Variants in RASGRF1 observed in about 807,000 individuals in gnomAD.
RASGRF1 encodes Ras protein specific guanine nucleotide releasing factor 1, also known as ras-specific guanine nucleotide-releasing factor 1.
RASGRF1 carries 40 observed loss-of-function variants against 138.7 expected under a neutral mutation model. That is an observed-to-expected ratio of 0.29 (90% CI 0.22 to 0.38). The LOEUF is 0.38. Ranked by LOEUF, RASGRF1 falls within the 10% of genes least tolerant of loss-of-function variation. The pLI, the probability that RASGRF1 is intolerant of heterozygous loss-of-function variation, is 1.00. For synonymous variants in RASGRF1, 614 were observed against 663.2 expected (o/e 0.93, Z 1.14); for missense variants, 1,108 against 1,650.4 (o/e 0.67, Z 5.69).
intron 12 of RASGRF1, among the ~76,000 whole-genome samples, chr15:79,016,754 C>T (rs28626563): frequency 0.13 from 19,244 of 152,208 alleles, 1,479 homozygotes; most frequent in South Asian, 0.21. Flanking sequence ...GCAGGTGGGC[C>T]AGAAGGAAGG....
In RASGRF1 at chr15:79,058,315, C is replaced by G; in HGVS notation, c.531+19G>C. On this transcript the variant is annotated intron_variant, in intron 3 of 26. Transcript: ENST00000558480. ...ATGTTGTGCCTAGGGCCTGGGCCCA[C>G]CCCCCAGCCCGCAGTCACCTCTGCC... The G allele has an allele frequency of 6.2e-7, 1 of 1,606,398 alleles. No homozygotes were observed.
In RASGRF1 at chr15:78,991,797, G is replaced by A. The variant is rs781276356; in HGVS notation, c.3028-3C>T. ...GGCTCAGCCTTCACGCCTTCAGCCTGGTTTTGAGTTGGGGGAGCAACATTT... is the reference window on the plus strand; with the variant it reads ...GGCTCAGCCTTCACGCCTTCAGCCTAGTTTTGAGTTGGGGGAGCAACATTT... On this transcript the variant is annotated splice_region_variant and splice_polypyrimidine_tract_variant and intron_variant, in intron 20 of 26. Transcript: ENST00000558480. 10 of 1,610,148 alleles carry A rather than the reference G, an allele frequency of 6.2e-6. No homozygotes were observed. The East Asian group carries it at 2.0e-4, about 32-fold the overall frequency.
chr15:79,020,635 C>T (rs2140980657), intron 10 of RASGRF1, among the ~76,000 whole-genome samples: 1 of 152,314 alleles, frequency 6.6e-6, no homozygotes, highest in South Asian at 2.1e-4. Flanking sequence ...GCCTCAAGGG[C>T]CCGATCCCAG....
rs2055806453 is a variant in RASGRF1, at chr15:78,973,245, G to A, written c.3612+58C>T. ...GGGGGCAGAGTGTGGGTGGGCCCCA[G>A]GTTGAGTCATCTGGGCTTCAACGCC... On this transcript the variant is annotated intron_variant, in intron 25 of 26. Transcript: ENST00000558480. The surrounding 1 kb of genome is among the most constrained non-coding windows in gnomAD (Gnocchi z 4.9). 2 of 1,402,772 alleles carry A rather than the reference G, an allele frequency of 1.4e-6. No homozygotes were observed. The highest frequency in any genetic ancestry group is 2.0e-6 in the Non-Finnish European group (2 of 1,010,978). 86.9% of individuals were successfully genotyped at this position (1,402,772 alleles called of 1,614,324 possible).
chr15:79,089,954 C>A (rs2058031497), intron 1 of RASGRF1, among the ~76,000 whole-genome samples: 1 of 152,188 alleles, frequency 6.6e-6, no homozygotes, highest in Non-Finnish European at 1.5e-5. Context: ...AGGTGTCGGC[C>A]CCTCTGTACC....
intron 26 of RASGRF1, among the ~76,000 whole-genome samples, chr15:78,963,603 A>G (rs566396873): frequency 1.3e-5 from 2 of 152,160 alleles, no homozygotes; most frequent in South Asian, 2.1e-4. Context: ...TGCCTGGCCA[A>G]ATTTTCTTAT....
intron 13 of RASGRF1, among the ~76,000 whole-genome samples, chr15:79,014,014 C>G (rs117336143): frequency 2.0e-5 from 3 of 152,086 alleles, no homozygotes; most frequent in South Asian, 2.1e-4. Context: ...CAGAAATAAT[C>G]CACATGTACA....
chr15:78,982,590 G>A (rs990918989), intron 23 of RASGRF1, among the ~76,000 whole-genome samples: 2 of 152,088 alleles, frequency 1.3e-5, no homozygotes, highest in Non-Finnish European at 2.9e-5. Context: ...GGCAGAAATG[G>A]GGGGCCCTTG....
chr15:79,037,680 A>G (rs922523997), intron 5 of RASGRF1, among the ~76,000 whole-genome samples: 1 of 151,958 alleles, frequency 6.6e-6, no homozygotes, highest in African/African-American at 2.4e-5. Flanking sequence ...GCTGGTTTCA[A>G]ACTCCTGACC....
chr15:79,080,132 A>ACTG (rs2057895673), intron 1 of RASGRF1, among the ~76,000 whole-genome samples: 1 of 134,108 alleles, frequency 7.5e-6, no homozygotes, highest in African/African-American at 2.8e-5. Flanking sequence ...GGCAATGACT[A>ACTG]TCTCATAACT....
intron 3 of RASGRF1, among the ~76,000 whole-genome samples, chr15:79,052,741 A>G (rs916006000): frequency 2.0e-5 from 3 of 152,192 alleles, no homozygotes; most frequent in African/African-American, 4.8e-5. Flanking sequence ...GAATTCAAAT[A>G]GAAGGAATGA....
intron 26 of RASGRF1, among the ~76,000 whole-genome samples, chr15:78,968,709 C>G (rs1200454876): frequency 1.3e-5 from 2 of 152,192 alleles, no homozygotes; most frequent in African/African-American, 2.4e-5. Flanking sequence ...AATTTTTAGC[C>G]TCTGTTCCCA....
intron 7 of RASGRF1, 49 bp from the exon 8 acceptor site, chr15:79,031,558 T>C (rs2057137039): frequency 5.7e-6 from 7 of 1,218,914 alleles, no homozygotes; most frequent in East Asian, 7.5e-5. Flanking sequence ...CAGGGAAGTA[T>C]GGCCGGGGAG....
chr15:79,022,539 A>T (rs2056976456), intron 10 of RASGRF1, among the ~76,000 whole-genome samples: 1 of 151,534 alleles, frequency 6.6e-6, no homozygotes, highest in African/African-American at 2.4e-5. Flanking sequence ...AAACTAACAT[A>T]AAAACATGCT....
At chr15:79,044,972 G>T (rs1161821592) in intron 5 of RASGRF1, among the ~76,000 whole-genome samples, 1 of 152,076 alleles carries the variant, frequency 6.6e-6, no homozygotes, top group Non-Finnish European at 1.5e-5. Flanking sequence ...TTACGAAAAG[G>T]TAACAAACAC....
chr15:78,969,672 AAAAAG>A (rs548928375), intron 26 of RASGRF1, among the ~76,000 whole-genome samples: 8 of 152,192 alleles, frequency 5.3e-5, no homozygotes, highest in Admixed American at 2.6e-4. Flanking sequence ...CTGTCTTAAA[AAAAAG>A]AAAAGAAAAG....
chr15:79,012,393 C>A, intron 13 of RASGRF1: 1 of 911,074 alleles, frequency 1.1e-6, no homozygotes, highest in Non-Finnish European at 1.8e-6. Flanking sequence ...TACACAGATT[C>A]CATTTTACAG....
Position 78,973,459 on chromosome 15 carries a change from A to T in RASGRF1, c.3495-39T>A. On this transcript the variant is annotated intron_variant, in intron 24 of 26. Transcript: ENST00000558480. This position sits in a 1 kb window ranked among gnomAD's most constrained non-coding sequence, Gnocchi z 4.9. ...GGCATTAACACAAGTTTTTCATTTT[A>T]AAAAAGTAACGTCTACCAAGAACAG... is the stretch of plus-strand genomic sequence containing the variant. 3.4e-6 allele frequency: 5 copies of T among 1,470,232 alleles called. No homozygotes were observed. The highest frequency in any genetic ancestry group is 4.7e-6 in the Non-Finnish European group (5 of 1,057,306). The allele number at this position is 1,470,232 out of a possible 1,614,324, so 91.1% of individuals were successfully genotyped here.
chr15:78,994,431 G>A (rs980836498), intron 20 of RASGRF1, among the ~76,000 whole-genome samples: 38 of 152,236 alleles, frequency 2.5e-4, no homozygotes, highest in Middle Eastern at 3.2e-3. Context: ...AAGTCCTCAC[G>A]CTGGCTACTT....
Sources: gnomAD v4.1 joint callset for allele counts (sites outside exome capture counted in the v4.1 genomes callset) on GRCh38, gnomAD v4.1.1 for gene constraint, Gnocchi (gnomAD v3.1) non-coding constraint, MANE v1.5 for transcripts, NCBI Gene and HGNC (gene_info 2026-07-23, HGNC 2026-07-21) for gene names.